Variants in BRD10 observed in about 807,000 individuals in gnomAD.
BRD10 encodes bromodomain containing 10, also known as uncharacterized bromodomain-containing protein 10.
At chr9:5,988,765 AT>A in the BRD10 span, among the ~76,000 whole-genome samples, 1 of 152,202 alleles carries the variant, frequency 6.6e-6, no homozygotes, top group East Asian at 1.9e-4. Flanking sequence ...AAAAAAAAAA[AT>A]CTGAGACTGA....
chr9:5,992,763 T>C, the BRD10 span, among the ~76,000 whole-genome samples: 1 of 151,964 alleles, frequency 6.6e-6, no homozygotes, highest in African/African-American at 2.4e-5. Context: ...TCTGTGTTAA[T>C]ACATTCCAAA....
the BRD10 span, among the ~76,000 whole-genome samples, chr9:5,957,102 T>C: frequency 2.0e-5 from 3 of 152,130 alleles, no homozygotes; most frequent in Admixed American, 2.0e-4. Context: ...GACCTAGTAG[T>C]GGTAGTAAGA....
the BRD10 span, chr9:5,923,393 T>C: frequency 9.6e-7 from 1 of 1,041,550 alleles, no homozygotes; most frequent in Non-Finnish European, 1.4e-6. Context: ...AGAAAGTCAA[T>C]CTTTGAGCTG....
the BRD10 span, among the ~76,000 whole-genome samples, chr9:5,936,379 T>C: frequency 6.6e-6 from 1 of 152,266 alleles, no homozygotes; most frequent in African/African-American, 2.4e-5. Context: ...GAATAATTTA[T>C]CAGTGTTTCA....
chr9:5,922,508 T>C, the BRD10 span: 5 of 1,613,720 alleles, frequency 3.1e-6, no homozygotes, highest in Non-Finnish European at 4.2e-6. Context: ...ATTTGGTAGT[T>C]GGGTAGAAAC....
the BRD10 span, among the ~76,000 whole-genome samples, chr9:5,992,751 T>A: frequency 2.0e-5 from 3 of 152,116 alleles, no homozygotes; most frequent in African/African-American, 7.2e-5. Context: ...TGTAAAGTCT[T>A]TTCTGTGTTA....
At chr9:5,902,531 C>T in the BRD10 span, among the ~76,000 whole-genome samples, 1 of 151,808 alleles carries the variant, frequency 6.6e-6, no homozygotes, top group Non-Finnish European at 1.5e-5. Flanking sequence ...GTGGCACAAT[C>T]ATAGCTCACT....
At chr9:5,900,806 G>A in the BRD10 span, among the ~76,000 whole-genome samples, 4 of 152,210 alleles carry the variant, frequency 2.6e-5, no homozygotes, top group African/African-American at 4.8e-5. Flanking sequence ...CTGAACAGTG[G>A]TTTTTATATT....
chr9:5,882,528 C>T, the BRD10 span, among the ~76,000 whole-genome samples: 2 of 152,222 alleles, frequency 1.3e-5, no homozygotes, highest in African/African-American at 4.8e-5. Context: ...AAACCACAGC[C>T]TTGCACAAAG....
chr9:5,968,340 G>C, the BRD10 span: 1 of 1,609,694 alleles, frequency 6.2e-7, no homozygotes, highest in South Asian at 1.1e-5. Context: ...TCTTTTAATG[G>C]ACTGGGTTCA....
the BRD10 span, chr9:5,908,776 A>G: frequency 7.1e-7 from 1 of 1,417,660 alleles, no homozygotes; most frequent in Non-Finnish European, 1.0e-6. Context: ...TTTAATACAG[A>G]CATCTAATGT....
chr9:5,981,939 C>T, the BRD10 span, among the ~76,000 whole-genome samples: 19 of 152,046 alleles, frequency 1.2e-4, 1 homozygote, highest in Admixed American at 7.2e-4. Context: ...GTACACTGCT[C>T]GGGTGATGGG....
At chr9:5,989,235 T>TAA in the BRD10 span, among the ~76,000 whole-genome samples, 1,670 of 46,152 alleles carry the variant, frequency 0.036, 140 homozygotes, top group Middle Eastern at 0.071. Flanking sequence ...TCTGTCTCAT[T>TAA]AAAAAAAAAA....
At chr9:5,986,849 T>C in the BRD10 span, among the ~76,000 whole-genome samples, 6 of 152,338 alleles carry the variant, frequency 3.9e-5, no homozygotes, top group South Asian at 2.1e-4. Flanking sequence ...TGCTTGGATA[T>C]GTAAATGTTT....
the BRD10 span, among the ~76,000 whole-genome samples, chr9:5,981,374 G>T: frequency 6.6e-6 from 1 of 152,190 alleles, no homozygotes; most frequent in Non-Finnish European, 1.5e-5. Context: ...TATTTCTTAA[G>T]ATTCTGCTAC....
chr9:5,919,623 A>C, the BRD10 span: 3 of 1,464,002 alleles, frequency 2.0e-6, no homozygotes, highest in South Asian at 1.4e-5. Context: ...AAACATTGAA[A>C]ATTTTTATGG....
the BRD10 span, among the ~76,000 whole-genome samples, chr9:5,998,146 G>A: frequency 6.6e-6 from 1 of 152,088 alleles, no homozygotes; most frequent in Non-Finnish European, 1.5e-5. Flanking sequence ...ACATGTTAAA[G>A]TTTGAGATGG....
chr9:5,915,139 T>A, the BRD10 span, among the ~76,000 whole-genome samples: 1 of 152,182 alleles, frequency 6.6e-6, no homozygotes, highest in Non-Finnish European at 1.5e-5. Context: ...CAGTCAAAAA[T>A]AAAAGTTTTC....
chr9:5,910,904 T>C, the BRD10 span, among the ~76,000 whole-genome samples: 2 of 152,186 alleles, frequency 1.3e-5, no homozygotes, highest in Admixed American at 1.3e-4. Flanking sequence ...GCCTGGGTCA[T>C]TACATCACCA....
Sources: gnomAD v4.1 joint callset for allele counts (sites outside exome capture counted in the v4.1 genomes callset) on GRCh38, gnomAD v4.1.1 for gene constraint, MANE v1.5 for transcripts, NCBI Gene and HGNC (gene_info 2026-07-23, HGNC 2026-07-21) for gene names.